The following SCARB1 variants were observed in gnomAD, a reference collection of about 807,000 sequenced individuals.
The protein encoded by SCARB1 is CD36 and LIMPII analogous 1.
A neutral mutation model predicts 57.2 loss-of-function variants in SCARB1; 30 were observed. The ratio of observed to expected loss-of-function variants is 0.52; its 90% CI spans 0.39 to 0.71. The LOEUF (loss-of-function observed/expected upper bound fraction) is 0.71. SCARB1 is among the 30% of genes least tolerant of loss of function. The pLI is 0.00. For missense variants in SCARB1, 543 were observed against 671.2 expected (o/e 0.81, Z 2.11); for synonymous variants, 249 against 268.3 (o/e 0.93, Z 0.70).
chr12:124,781,435 G>T (rs553856539), intron 12 of SCARB1, among the ~76,000 whole-genome samples: 2 of 152,052 alleles, frequency 1.3e-5, no homozygotes, highest in South Asian at 4.2e-4. Flanking sequence ...ACGGTAGAGC[G>T]ACTCATCCCT....
chr12:124,832,912 G>C (rs78631196), intron 1 of SCARB1, among the ~76,000 whole-genome samples: 1,937 of 151,764 alleles, frequency 0.013, 41 homozygotes, highest in African/African-American at 0.045. Flanking sequence ...CAGTTCTCGG[G>C]GGGAGAAGTC....
chr12:124,778,544 G>T lies in SCARB1; in HGVS notation c.*43C>A. ...GTGTAGGGGCTGGGGGGCCGGTCAG[G>T]CCCAGCGGCCAGGCCTGGCTGGCTC... On this transcript the variant is annotated 3_prime_UTR_variant, in exon 13 of 13. Coordinates refer to ENST00000261693, the MANE Select transcript of SCARB1 (RefSeq NM_005505.5). 7.2e-7 allele frequency: 1 copy of T among 1,381,436 alleles called. No homozygotes were observed. Among genetic ancestry groups the T allele is most frequent in the Non-Finnish European group, 9.4e-7 (1 of 1,066,480 alleles). 85.6% of individuals were successfully genotyped at this position (1,381,436 alleles called of 1,614,324 possible).
chr12:124,849,772 G>A (rs11057861), intron 1 of SCARB1, among the ~76,000 whole-genome samples: 9,877 of 152,308 alleles, frequency 0.065, 404 homozygotes, highest in African/African-American at 0.11. Context: ...TTCCCCGTTA[G>A]AGCAATTAGG....
At chr12:124,840,202 G>A (rs1239006161) in intron 1 of SCARB1, among the ~76,000 whole-genome samples, 1 of 148,610 alleles carries the variant, frequency 6.7e-6, no homozygotes, top group Admixed American at 6.7e-5. Flanking sequence ...TTTTTTTTAA[G>A]ACAGAGTCTT....
At chr12:124,831,555 G>A (rs1036010200) in intron 1 of SCARB1, among the ~76,000 whole-genome samples, 1 of 152,150 alleles carries the variant, frequency 6.6e-6, no homozygotes, top group African/African-American at 2.4e-5. Context: ...TCTGATTTCT[G>A]AAGCAGAGCA....
intron 1 of SCARB1, among the ~76,000 whole-genome samples, chr12:124,818,465 T>C (rs989919983): frequency 6.6e-6 from 1 of 152,008 alleles, no homozygotes; most frequent in Non-Finnish European, 1.5e-5. Flanking sequence ...AGAATAATTT[T>C]ATTTATTTAT....
At chr12:124,802,060 G>A (rs1950150959) in intron 7 of SCARB1, among the ~76,000 whole-genome samples, 1 of 146,262 alleles carries the variant, frequency 6.8e-6, no homozygotes, top group African/African-American at 2.5e-5. Context: ...TGAGGCAGGA[G>A]AATCGCTTGA....
Position 124,830,714 on chromosome 12 carries a change from C to T in SCARB1, c.127-13007G>A, listed in dbSNP as rs1951349981. ...GGTATAGGGGGTCATTACAAGCGTG[C>T]ATACCTAGGTGAAAATCCATCAACC... On this transcript the variant is annotated intron_variant, in intron 1 of 12. Transcript: ENST00000261693. Among the ~76,000 whole-genome samples the T allele has an allele frequency of 2.6e-5, 4 of 152,252 alleles. No individual in the cohort carries two copies. The South Asian group carries it at 8.3e-4, about 32-fold the overall frequency.
At position 124,841,433 on chromosome 12, in the gene SCARB1, T is replaced by C. The variant is rs562949803; in HGVS notation, c.126+22162A>G. Among the ~76,000 whole-genome samples, 8 of 142,630 alleles carry C rather than the reference T, an allele frequency of 5.6e-5. No homozygotes were observed. In the South Asian group the frequency reaches 1.5e-3, roughly 27 times the overall value. The allele number at this position is 142,630 out of a possible 152,430, so 93.6% of individuals were successfully genotyped here. ...GGAGGCGGAGGTTGCAGTGAGCTGA[T>C]ACCATGCCACTGCACTCCAGCCTGG... is the stretch of plus-strand genomic sequence containing the variant. On this transcript the variant is annotated intron_variant, in intron 1 of 12. Transcript: ENST00000261693.
At chr12:124,851,608 ATTTTTT>A (rs5801574) in intron 1 of SCARB1, among the ~76,000 whole-genome samples, 1 of 128,108 alleles carries the variant, frequency 7.8e-6, no homozygotes, top group African/African-American at 3.0e-5. Flanking sequence ...AAAGGATTCC[ATTTTTT>A]TTTTTTTTTT....
At chr12:124,852,973 A>C (rs1248547873) in intron 1 of SCARB1, among the ~76,000 whole-genome samples, 1 of 152,096 alleles carries the variant, frequency 6.6e-6, no homozygotes, top group African/African-American at 2.4e-5. Context: ...GGGGAGGAGG[A>C]GGTTGCAGTG....
At position 124,786,265 on chromosome 12, in the gene SCARB1, G is replaced by C. The variant is rs755498839; in HGVS notation, c.1401+92C>G. ...TGCTGCTGGAGGTGGGCTCCAGGCT[G>C]CGGTTGGCCAGAGGGTCCGATCTGA... is the stretch of plus-strand genomic sequence containing the variant. On this transcript the variant is annotated intron_variant, in intron 11 of 12. Coordinates refer to ENST00000261693, the MANE Select transcript of SCARB1 (RefSeq NM_005505.5). 3.2e-5 allele frequency: 52 copies of C among 1,600,746 alleles called. No homozygotes were observed. The African/African-American group carries it at 5.1e-4, about 16-fold the overall frequency.
chr12:124,833,646 T>C (rs1951512529), intron 1 of SCARB1, among the ~76,000 whole-genome samples: 1 of 151,316 alleles, frequency 6.6e-6, no homozygotes. Flanking sequence ...CACAGCCCCC[T>C]CCACCCCAGG....
rs920739165 is a variant in SCARB1, at chr12:124,777,230, C to G, written c.*1357G>C. On this transcript the variant is annotated 3_prime_UTR_variant, in exon 13 of 13. Transcript: ENST00000261693. ...CCAATCTGTTCTCTTACCCGCTTCT[C>G]TTCTTCACCATTTATGTAACGAGCA... 2 of 152,178 alleles carry G rather than the reference C, an allele frequency of 1.3e-5. No individual in the cohort carries two copies. The highest frequency in any genetic ancestry group is 2.9e-5 in the Non-Finnish European group (2 of 68,028). The allele number at this position is 152,178 out of a possible 1,614,324, so 9.4% of individuals were successfully genotyped here.
At chr12:124,819,340 C>T (rs1410044280) in intron 1 of SCARB1, among the ~76,000 whole-genome samples, 2 of 151,964 alleles carry the variant, frequency 1.3e-5, no homozygotes, top group African/African-American at 2.4e-5. Flanking sequence ...GTGAGCCAGT[C>T]GGAAGATGAG....
intron 1 of SCARB1, among the ~76,000 whole-genome samples, chr12:124,847,078 T>C (rs1415336136): frequency 6.6e-6 from 1 of 152,262 alleles, no homozygotes; most frequent in African/African-American, 2.4e-5. Flanking sequence ...TTCCCTCTTC[T>C]TCACGTGGGG....
At chr12:124,791,751 T>A (rs1949736666) in intron 9 of SCARB1, among the ~76,000 whole-genome samples, 1 of 151,310 alleles carries the variant, frequency 6.6e-6, no homozygotes, top group Admixed American at 6.6e-5. Flanking sequence ...AGGTCAGGAG[T>A]TTGAGACCAG....
intron 9 of SCARB1, among the ~76,000 whole-genome samples, chr12:124,788,787 A>G (rs911729613): frequency 6.6e-6 from 1 of 152,236 alleles, no homozygotes; most frequent in Non-Finnish European, 1.5e-5. Flanking sequence ...CGACCCAGCA[A>G]TTACGCTCTT....
At chr12:124,832,656 C>A (rs901598806) in intron 1 of SCARB1, among the ~76,000 whole-genome samples, 1 of 152,160 alleles carries the variant, frequency 6.6e-6, no homozygotes. Context: ...ATGTGCACCC[C>A]ATATTTATAC....
Sources: gnomAD v4.1 joint callset for allele counts (sites outside exome capture counted in the v4.1 genomes callset) on GRCh38, gnomAD v4.1.1 for gene constraint, MANE v1.5 for transcripts, NCBI Gene and HGNC (gene_info 2026-07-23, HGNC 2026-07-21) for gene names.